ACACA: variants seen among roughly 807,000 people sequenced by gnomAD.
The protein encoded by ACACA is acetyl-CoA carboxylase alpha.
ACACA carries 103 observed loss-of-function variants against 296.1 expected under a neutral mutation model. That is an observed-to-expected ratio of 0.35 (90% CI 0.30 to 0.41). ACACA has a LOEUF of 0.41. Among genes scored for constraint, ACACA ranks in the 10% least tolerant of loss-of-function variants. The pLI, the probability that ACACA is intolerant of heterozygous loss-of-function variation, is 1.00. For missense variants in ACACA, 1,554 were observed against 2,989.7 expected, an observed-to-expected ratio of 0.52 and a Z score of 11.20; for synonymous variants, 953 against 1,038.6, an observed-to-expected ratio of 0.92 and a Z score of 1.58.
Position 37,400,600 on chromosome 17 carries a change from A to T in ACACA, c.38+5662T>A, listed in dbSNP as rs78702470. On this transcript the variant is annotated intron_variant, in intron 1 of 55. Coordinates refer to ENST00000616317, the MANE Select transcript of ACACA (RefSeq NM_198834.3). Reference sequence around the variant, plus strand: ...CTTGACTTTTTTAGATGCCACACATAAGTGAGATTAAGCAGTATTTGTTTT... The same window carrying T: ...CTTGACTTTTTTAGATGCCACACATTAGTGAGATTAAGCAGTATTTGTTTT... Among the ~76,000 whole-genome samples, 256 of 152,290 alleles carry T rather than the reference A, an allele frequency of 1.7e-3. 1 individual carries two copies. Among genetic ancestry groups the T allele is most frequent in the African/African-American group, 5.9e-3 (246 of 41,554 alleles).
Position 37,336,834 on chromosome 17 carries a change from C to T in ACACA, c.85+2970G>A, listed in dbSNP as rs992549613. 3.3e-5 allele frequency among the ~76,000 whole-genome samples: 5 copies of T among 152,340 alleles called. No homozygotes were observed. In the South Asian group the frequency reaches 1.0e-3, roughly 32 times the overall value. On this transcript the variant is annotated intron_variant, in intron 2 of 55. Transcript: ENST00000616317. ...GTAAGTGGACAACAGTGTTCCTTGACATCAGATGAGAAACCGTCAATACTT... is the reference window on the plus strand; with the variant it reads ...GTAAGTGGACAACAGTGTTCCTTGATATCAGATGAGAAACCGTCAATACTT...
In ACACA at chr17:37,248,688, G is replaced by A. The variant is rs190034446; in HGVS notation, c.2082-14C>T. 3 of 1,572,972 alleles carry A rather than the reference G, an allele frequency of 1.9e-6. No homozygotes were observed. The highest frequency in any genetic ancestry group is 2.6e-6 in the Non-Finnish European group (3 of 1,144,120). ...AGGACTTGACCCCTGAAAGAACGAT[G>A]AGAGAGGAACTTACTACAAAGTTCT... On this transcript the variant is annotated splice_polypyrimidine_tract_variant and intron_variant, in intron 16 of 55. Transcript: ENST00000616317.
At chr17:37,405,157 T>G (rs1176446418) in intron 1 of ACACA, among the ~76,000 whole-genome samples, 1 of 152,162 alleles carries the variant, frequency 6.6e-6, no homozygotes, top group Non-Finnish European at 1.5e-5. Flanking sequence ...GATCAGATAT[T>G]TATGTGCCTC....
intron 29 of ACACA, among the ~76,000 whole-genome samples, chr17:37,220,953 G>C (rs2079258471): frequency 1.3e-5 from 2 of 152,138 alleles, no homozygotes. Flanking sequence ...ATTGGCTGTG[G>C]TATTTATATT....
chr17:37,243,971 C>T (rs1346740099), intron 21 of ACACA, among the ~76,000 whole-genome samples: 1 of 152,224 alleles, frequency 6.6e-6, no homozygotes, highest in Non-Finnish European at 1.5e-5. Context: ...ATCTCAGCTT[C>T]CCAAAGTGGT....
intron 3 of ACACA, among the ~76,000 whole-genome samples, chr17:37,312,323 G>A (rs1368867175): frequency 6.6e-6 from 1 of 152,116 alleles, no homozygotes; most frequent in Non-Finnish European, 1.5e-5. Context: ...AAACAAGACT[G>A]GAAAAATCAG....
intron 19 of ACACA, 148 bp downstream of exon 19, chr17:37,246,678 C>T: frequency 9.5e-7 from 1 of 1,055,518 alleles, no homozygotes; most frequent in Non-Finnish European, 1.4e-6. Flanking sequence ...AGCGATCTTC[C>T]TGCCTCAGCC....
chr17:37,128,185 A>T (rs1271486625), intron 47 of ACACA, among the ~76,000 whole-genome samples: 1 of 152,174 alleles, frequency 6.6e-6, no homozygotes, highest in Non-Finnish European at 1.5e-5. Flanking sequence ...CACTTCTCTC[A>T]TGTTTTTATA....
At chr17:37,342,345 T>G (rs962344463) in intron 1 of ACACA, among the ~76,000 whole-genome samples, 1 of 133,698 alleles carries the variant, frequency 7.5e-6, no homozygotes, top group Non-Finnish European at 1.5e-5. Context: ...GAAGCGGACG[T>G]TGCAGTGAGC....
chr17:37,204,125 C>T (rs979201864), intron 33 of ACACA, among the ~76,000 whole-genome samples: 3 of 152,212 alleles, frequency 2.0e-5, no homozygotes, highest in African/African-American at 7.2e-5. Flanking sequence ...TGAGTTCTTT[C>T]TCTGCAAGAA....
At chr17:37,089,950 G>T (rs1352939300) in intron 54 of ACACA, among the ~76,000 whole-genome samples, 1 of 152,154 alleles carries the variant, frequency 6.6e-6, no homozygotes, top group Non-Finnish European at 1.5e-5. Flanking sequence ...ATGTCATTTT[G>T]TTTGGGTAAT....
At chr17:37,358,926 T>C in intron 1 of ACACA, 1 of 984,844 alleles carries the variant, frequency 1.0e-6, no homozygotes, top group Non-Finnish European at 1.2e-6. Flanking sequence ...GCCCCCTGCC[T>C]GCCGCCGCCC....
chr17:37,379,384 T>A (rs777507368), intron 1 of ACACA: 1 of 1,612,628 alleles, frequency 6.2e-7, no homozygotes, highest in Non-Finnish European at 8.5e-7. Context: ...AAGGCAAAGG[T>A]GAGATTGGAA....
chr17:37,186,972 TCTTA>T (rs747082095), intron 39 of ACACA, among the ~76,000 whole-genome samples: 56 of 152,024 alleles, frequency 3.7e-4, no homozygotes, highest in Non-Finnish European at 5.9e-4. Flanking sequence ...CAAGTGGCCA[TCTTA>T]CTTTTCACAA....
At chr17:37,144,717 A>G (rs1294988408) in intron 45 of ACACA, among the ~76,000 whole-genome samples, 2 of 152,176 alleles carry the variant, frequency 1.3e-5, no homozygotes, top group Non-Finnish European at 2.9e-5. Context: ...TACCAAACTA[A>G]TGGCCCTAGT....
intron 27 of ACACA, 43 bp from the exon 28 acceptor site, chr17:37,223,644 G>C (rs1443507529): frequency 3.6e-6 from 5 of 1,407,754 alleles, no homozygotes; most frequent in Middle Eastern, 1.7e-4. Flanking sequence ...ATCAAAAGGA[G>C]AACAATTTCA....
chr17:37,150,315 G>T (rs2075984186), intron 44 of ACACA, among the ~76,000 whole-genome samples: 1 of 152,108 alleles, frequency 6.6e-6, no homozygotes, highest in African/African-American at 2.4e-5. Context: ...GTTGAGGCTG[G>T]TGAATTACTT....
At chr17:37,388,990 C>T (rs2050672472) in intron 1 of ACACA, among the ~76,000 whole-genome samples, 1 of 152,176 alleles carries the variant, frequency 6.6e-6, no homozygotes, top group East Asian at 1.9e-4. Flanking sequence ...TAAAATAAGT[C>T]TCATGATATT....
At position 37,358,966 on chromosome 17, in the gene ACACA, C is replaced by T. The variant is rs560651989; in HGVS notation, c.39-19116G>A. 2.0e-5 allele frequency: 20 copies of T among 985,868 alleles called. 1 individual carries two copies. In the South Asian group the frequency reaches 6.6e-4, roughly 32 times the overall value. 61.1% of individuals were successfully genotyped at this position (985,868 alleles called of 1,614,324 possible). A position where few individuals can be genotyped will look rare whatever the true frequency, so the allele number is the denominator to read the frequency against. On this transcript the variant is annotated intron_variant, in intron 1 of 55. Transcript: ENST00000616317. Reference sequence around the variant, plus strand: ...CTTGGCCCCAGTTTCTCCAGGTCCCCGGTCACAGGTTCTGGGCCGGCCCTC... The same window carrying T: ...CTTGGCCCCAGTTTCTCCAGGTCCCTGGTCACAGGTTCTGGGCCGGCCCTC...
Sources: allele counts gnomAD v4.1 joint callset (sites outside exome capture counted in the v4.1 genomes callset), GRCh38; gene constraint gnomAD v4.1.1; transcripts MANE v1.5; gene names NCBI Gene and HGNC (gene_info 2026-07-23, HGNC 2026-07-21).